Variants in MEMO1 observed in about 807,000 individuals in gnomAD.
MEMO1 encodes mediator of cell motility 1, also known as protein MEMO1.
MEMO1 carries 6 observed loss-of-function variants against 45.2 expected under a neutral mutation model. The observed-to-expected ratio is 0.13, with a 90% CI of 0.07 to 0.26. MEMO1 has a LOEUF of 0.26. MEMO1 is among the 10% of genes least tolerant of loss of function. The pLI, the probability that MEMO1 is intolerant of heterozygous loss-of-function variation, is 1.00. For synonymous variants in MEMO1, 78 were observed against 124.3 expected (o/e 0.63, Z 2.48); for missense variants, 184 against 370.5 (o/e 0.50, Z 4.13).
At chr2:31,933,111 A>G (rs1458433203) in intron 3 of MEMO1, among the ~76,000 whole-genome samples, 1 of 151,596 alleles carries the variant, frequency 6.6e-6, no homozygotes, top group East Asian at 1.9e-4. Context: ...TACTGAATGG[A>G]AGAAAGTCAA....
intron 2 of MEMO1, among the ~76,000 whole-genome samples, chr2:32,006,374 G>T (rs1674069906): frequency 6.6e-6 from 1 of 152,142 alleles, no homozygotes; most frequent in Admixed American, 6.5e-5. Flanking sequence ...GGAGAAAACA[G>T]ACTACATTTA....
chr2:31,950,167 G>T (rs1333417648), intron 2 of MEMO1, among the ~76,000 whole-genome samples: 1 of 152,084 alleles, frequency 6.6e-6, no homozygotes, highest in Non-Finnish European at 1.5e-5. Context: ...GATCACCTGA[G>T]GTCAGGAGTT....
intron 7 of MEMO1, among the ~76,000 whole-genome samples, chr2:31,885,802 G>C (rs1171035512): frequency 2.6e-5 from 4 of 152,178 alleles, no homozygotes; most frequent in Non-Finnish European, 2.9e-5. Context: ...CCCAGGTTCA[G>C]AGAAAAACGC....
chr2:32,002,328 TATATAC>T (rs1398589211), intron 2 of MEMO1, among the ~76,000 whole-genome samples: 1 of 148,344 alleles, frequency 6.7e-6, no homozygotes. Flanking sequence ...CATATATACA[TATATAC>T]ATATACATAT....
At chr2:31,982,036 T>A (rs1426404632) in intron 2 of MEMO1, among the ~76,000 whole-genome samples, 4 of 152,158 alleles carry the variant, frequency 2.6e-5, no homozygotes, top group Non-Finnish European at 4.4e-5. Flanking sequence ...CGGTGGCTCA[T>A]GCCTGTAATC....
chr2:31,961,122 C>T (rs1260168820), intron 2 of MEMO1, among the ~76,000 whole-genome samples: 3 of 152,134 alleles, frequency 2.0e-5, no homozygotes, highest in Non-Finnish European at 4.4e-5. Flanking sequence ...CTTTGGGAGG[C>T]CAAGGCGGAC....
intron 2 of MEMO1, among the ~76,000 whole-genome samples, chr2:31,960,001 C>T (rs1421671577): frequency 6.6e-6 from 1 of 152,096 alleles, no homozygotes; most frequent in African/African-American, 2.4e-5. Context: ...GAGGGCGGAT[C>T]ACTTGAGGCC....
intron 2 of MEMO1, among the ~76,000 whole-genome samples, chr2:31,989,092 G>T (rs1164856203): frequency 6.6e-6 from 1 of 152,116 alleles, no homozygotes; most frequent in African/African-American, 2.4e-5. Flanking sequence ...TGGAATCCCA[G>T]CTACTCAGGA....
intron 3 of MEMO1, among the ~76,000 whole-genome samples, chr2:31,941,487 T>C (rs996490667): frequency 1.3e-5 from 2 of 152,200 alleles, no homozygotes; most frequent in African/African-American, 2.4e-5. Flanking sequence ...ACATAGAATA[T>C]AATTATTTGT....
At chr2:31,923,231 G>C (rs774384808) in intron 4 of MEMO1, among the ~76,000 whole-genome samples, 1 of 152,078 alleles carries the variant, frequency 6.6e-6, no homozygotes, top group Non-Finnish European at 1.5e-5. Context: ...GTGATTATGA[G>C]AATTTTTTCA....
intron 7 of MEMO1, among the ~76,000 whole-genome samples, chr2:31,887,358 T>A (rs1037625803): frequency 6.6e-6 from 1 of 152,152 alleles, no homozygotes; most frequent in African/African-American, 2.4e-5. Context: ...GGAAAGTTGA[T>A]CTATAAAGCC....
intron 2 of MEMO1, among the ~76,000 whole-genome samples, chr2:31,960,147 A>G (rs1376788948): frequency 3.3e-5 from 5 of 151,922 alleles, no homozygotes; most frequent in South Asian, 2.1e-4. Context: ...CAGTGAGTCG[A>G]TATCACGCCA....
At chr2:31,976,104 T>C (rs2148481161) in intron 2 of MEMO1, among the ~76,000 whole-genome samples, 1 of 152,202 alleles carries the variant, frequency 6.6e-6, no homozygotes, top group South Asian at 2.1e-4. Context: ...AGATTAGTAC[T>C]CCACAACTGA....
At chr2:31,987,965 A>T (rs1044836652) in intron 2 of MEMO1, among the ~76,000 whole-genome samples, 3 of 152,182 alleles carry the variant, frequency 2.0e-5, no homozygotes, top group African/African-American at 7.2e-5. Flanking sequence ...GAATCATGCC[A>T]AAATGAGCCA....
chr2:31,984,026 T>C (rs1440914703), intron 2 of MEMO1, among the ~76,000 whole-genome samples: 2 of 151,322 alleles, frequency 1.3e-5, no homozygotes, highest in Non-Finnish European at 3.0e-5. Context: ...CGGATATAAA[T>C]AAGTTGAGTG....
At chr2:31,909,507 A>AAT (rs1192491411) in intron 6 of MEMO1, among the ~76,000 whole-genome samples, 4 of 152,202 alleles carry the variant, frequency 2.6e-5, no homozygotes, top group Non-Finnish European at 1.5e-5. Context: ...TCCCATTTAC[A>AAT]ATAACTACCA....
At chr2:32,000,049 T>C (rs1287595115) in intron 2 of MEMO1, among the ~76,000 whole-genome samples, 2 of 151,918 alleles carry the variant, frequency 1.3e-5, no homozygotes, top group East Asian at 3.9e-4. Context: ...TACATCCAGC[T>C]AATTTTTTTA....
At chr2:31,975,184 CAAAT>C (rs1366606027) in intron 2 of MEMO1, among the ~76,000 whole-genome samples, 4 of 152,030 alleles carry the variant, frequency 2.6e-5, no homozygotes, top group African/African-American at 9.7e-5. Context: ...AAAAAACAAA[CAAAT>C]AAATAAATAA....
chr2:31,958,649 T>A (rs552673772), intron 2 of MEMO1, among the ~76,000 whole-genome samples: 2 of 152,246 alleles, frequency 1.3e-5, no homozygotes, highest in South Asian at 4.1e-4. Context: ...TGTTTTGTTT[T>A]GTTTTGTTTC....
Sources: gnomAD v4.1 joint callset for allele counts (sites outside exome capture counted in the v4.1 genomes callset) on GRCh38, gnomAD v4.1.1 for gene constraint, MANE v1.5 for transcripts, NCBI Gene and HGNC (gene_info 2026-07-23, HGNC 2026-07-21) for gene names.